The following XXYLT1 variants were observed in gnomAD, a reference collection of about 807,000 sequenced individuals.
XXYLT1 encodes the protein UDP-xylose:alpha-xyloside alpha-1,3-xylosyltransferase.
Under a neutral mutation model 28.9 loss-of-function variants are expected in XXYLT1, and 20 were observed. The observed-to-expected ratio is 0.69, with a 90% CI of 0.49 to 1.00. The LOEUF (loss-of-function observed/expected upper bound fraction) is 1.00, where lower values mean the gene tolerates loss of function less well. Ranked by LOEUF, XXYLT1 falls within the 50% of genes least tolerant of loss-of-function variation. XXYLT1 has a pLI of 0.00. For synonymous variants in XXYLT1, 257 were observed against 253.8 expected (o/e 1.01, Z -0.12); for missense variants, 542 against 560.1 (o/e 0.97, Z 0.33).
intron 3 of XXYLT1, among the ~76,000 whole-genome samples, chr3:195,136,076 C>T (rs1719181471): frequency 6.6e-6 from 1 of 152,156 alleles, no homozygotes; most frequent in Admixed American, 6.5e-5. Context: ...GCACGGCTGC[C>T]TTTAATTACA....
intron 2 of XXYLT1, chr3:195,175,828 G>A (rs1721639798): frequency 3.5e-6 from 5 of 1,412,590 alleles, no homozygotes; most frequent in South Asian, 3.1e-5. Context: ...CTCGATTCCC[G>A]AGTCACTGCT....
chr3:195,204,175 T>G (rs1560150442), intron 2 of XXYLT1, among the ~76,000 whole-genome samples: 1 of 151,724 alleles, frequency 6.6e-6, no homozygotes, highest in East Asian at 1.9e-4. Flanking sequence ...AAACCCCATC[T>G]CTACTAAACA....
At chr3:195,169,869 A>T (rs66623106) in intron 2 of XXYLT1, among the ~76,000 whole-genome samples, 43,956 of 122,836 alleles carry the variant, frequency 0.36, 7,274 homozygotes, top group Admixed American at 0.41. Context: ...ATATATATAT[A>T]TTTTTTTTTT....
chr3:195,162,983 A>G (rs917405877), intron 2 of XXYLT1, among the ~76,000 whole-genome samples: 2 of 151,322 alleles, frequency 1.3e-5, no homozygotes, highest in Admixed American at 6.6e-5. Context: ...CGTGTCTGCT[A>G]TAAGTTTTTG....
intron 3 of XXYLT1, among the ~76,000 whole-genome samples, chr3:195,156,088 T>C (rs1250807407): frequency 6.6e-6 from 1 of 152,184 alleles, no homozygotes; most frequent in African/African-American, 2.4e-5. Context: ...GGGTCACTGG[T>C]GACTCACAGG....
intron 1 of XXYLT1, among the ~76,000 whole-genome samples, chr3:195,241,578 G>A (rs1390191135): frequency 6.6e-6 from 1 of 152,042 alleles, no homozygotes. Context: ...TTCCAGAAGC[G>A]AAGAAAAATC....
At chr3:195,131,134 T>C (rs948578241) in intron 3 of XXYLT1, among the ~76,000 whole-genome samples, 1 of 152,226 alleles carries the variant, frequency 6.6e-6, no homozygotes, top group Non-Finnish European at 1.5e-5. Flanking sequence ...GGCCGGTTCC[T>C]TCCCAAGCTG....
At chr3:195,080,707 C>T (rs1245240330) in intron 3 of XXYLT1, among the ~76,000 whole-genome samples, 6 of 152,144 alleles carry the variant, frequency 3.9e-5, no homozygotes, top group Admixed American at 3.9e-4. Context: ...GAGCAGAGTG[C>T]AGCCAGGTGT....
chr3:195,183,760 G>C (rs1722057645), intron 2 of XXYLT1: 1 of 152,262 alleles, frequency 6.6e-6, no homozygotes, highest in African/African-American at 2.4e-5. Context: ...GAACCCAACT[G>C]TTACCCACCC....
At chr3:195,126,569 C>T (rs889303692) in intron 3 of XXYLT1, among the ~76,000 whole-genome samples, 4 of 152,154 alleles carry the variant, frequency 2.6e-5, no homozygotes, top group Non-Finnish European at 4.4e-5. Context: ...GCGACAGTCT[C>T]GGCAAAAAAC....
chr3:195,185,026 C>T (rs1722114583), intron 2 of XXYLT1, among the ~76,000 whole-genome samples: 1 of 149,834 alleles, frequency 6.7e-6, no homozygotes, highest in East Asian at 2.0e-4. Context: ...TCTTGCAGAG[C>T]AGTGACAGCT....
intron 3 of XXYLT1, among the ~76,000 whole-genome samples, chr3:195,121,829 AG>A (rs1201854811): frequency 9.2e-5 from 14 of 152,136 alleles, no homozygotes; most frequent in Admixed American, 8.5e-4. Context: ...ACCCCTCTCT[AG>A]GCCTCAGGAT....
chr3:195,236,874 G>C (rs977520936), intron 1 of XXYLT1, among the ~76,000 whole-genome samples: 3 of 152,276 alleles, frequency 2.0e-5, no homozygotes, highest in African/African-American at 7.2e-5. Context: ...GGCCCAGGGT[G>C]TCTAGAAATG....
chr3:195,194,545 A>G (rs1219867913), intron 2 of XXYLT1, among the ~76,000 whole-genome samples: 1 of 152,202 alleles, frequency 6.6e-6, no homozygotes, highest in Non-Finnish European at 1.5e-5. Flanking sequence ...CATATGACCC[A>G]GCAATTCTAC....
rs576308505 is a variant in XXYLT1, at chr3:195,074,149, G to C, written c.786-4038C>G. ...AGTTCACCACCACCACCTCCAAGAG[G>C]GAGGAAGCGAGGATGGGAAAATGCT... On this transcript the variant is annotated intron_variant, in intron 3 of 3. Transcript: ENST00000310380. Among the ~76,000 whole-genome samples, 3 of 152,296 alleles carry C rather than the reference G, an allele frequency of 2.0e-5. No individual in the cohort carries two copies. The South Asian group carries it at 6.2e-4, about 32-fold the overall frequency.
chr3:195,152,577 T>C (rs756371577), intron 3 of XXYLT1: 4 of 152,066 alleles, frequency 2.6e-5, no homozygotes, highest in Non-Finnish European at 4.4e-5. Flanking sequence ...ACAGAAAATA[T>C]AAAAATCTGG....
intron 2 of XXYLT1, among the ~76,000 whole-genome samples, chr3:195,212,750 C>T (rs1349722080): frequency 1.3e-5 from 2 of 152,176 alleles, no homozygotes; most frequent in African/African-American, 4.8e-5. Flanking sequence ...CCCAACCACC[C>T]CTCGGTCCAC....
chr3:195,188,975 T>G (rs1485462386), intron 2 of XXYLT1, among the ~76,000 whole-genome samples: 1 of 152,228 alleles, frequency 6.6e-6, no homozygotes, highest in African/African-American at 2.4e-5. Context: ...TAGATTTCTT[T>G]GAGCCTCATT....
intron 3 of XXYLT1, among the ~76,000 whole-genome samples, chr3:195,141,052 C>T (rs373249376): frequency 1.3e-5 from 2 of 152,210 alleles, no homozygotes; most frequent in South Asian, 2.1e-4. Flanking sequence ...ATCTGCAAAC[C>T]AGGAAGTAGG....
Sources: gnomAD v4.1 joint callset for allele counts (sites outside exome capture counted in the v4.1 genomes callset) on GRCh38, gnomAD v4.1.1 for gene constraint, MANE v1.5 for transcripts, NCBI Gene and HGNC (gene_info 2026-07-23, HGNC 2026-07-21) for gene names.